Variants in PKHD1 observed in about 807,000 individuals in gnomAD.
The protein encoded by PKHD1 is PKHD1 ciliary IPT domain containing fibrocystin/polyductin.
A neutral mutation model predicts 412.0 loss-of-function variants in PKHD1; 291 were observed. The ratio of observed to expected loss-of-function variants is 0.71; its 90% confidence interval spans 0.64 to 0.78. The LOEUF (loss-of-function observed/expected upper bound fraction) is 0.78, where lower values mean the gene tolerates loss of function less well. Ranked by LOEUF, PKHD1 falls within the 30% of genes least tolerant of loss-of-function variation. The pLI is 0.00. For synonymous variants in PKHD1, 1,777 were observed against 1,821.5 expected, an observed-to-expected ratio of 0.98 and a Z score of 0.62; for missense variants, 4,825 against 4,950.7, an observed-to-expected ratio of 0.97 and a Z score of 0.76.
intron 52 of PKHD1, among the ~76,000 whole-genome samples, chr6:51,800,126 C>CA (rs1157738748): frequency 1.3e-5 from 2 of 152,178 alleles, no homozygotes; most frequent in East Asian, 3.9e-4. Context: ...CTTTTCCCCC[C>CA]AAAGGGGCTC....
intron 60 of PKHD1, among the ~76,000 whole-genome samples, chr6:51,732,712 T>C (rs1473504002): frequency 6.6e-6 from 1 of 152,196 alleles, no homozygotes; most frequent in Non-Finnish European, 1.5e-5. Flanking sequence ...ACAGTTATTG[T>C]GGGAAACAAC....
At chr6:51,851,668 T>A (rs1772268705) in intron 49 of PKHD1, among the ~76,000 whole-genome samples, 1 of 152,216 alleles carries the variant, frequency 6.6e-6, no homozygotes, top group South Asian at 2.1e-4. Flanking sequence ...TTTATCCATT[T>A]CTCCTAGATT....
intron 35 of PKHD1, among the ~76,000 whole-genome samples, chr6:52,002,642 GA>G (rs1442565361): frequency 8.5e-5 from 13 of 152,168 alleles, no homozygotes; most frequent in Non-Finnish European, 1.5e-4. Context: ...CAACCCTGAA[GA>G]TGCACACTAA....
intron 37 of PKHD1, among the ~76,000 whole-genome samples, chr6:51,922,819 T>G (rs182992504): frequency 6.6e-6 from 1 of 152,068 alleles, no homozygotes; most frequent in Non-Finnish European, 1.5e-5. Flanking sequence ...AGGGTGGGAG[T>G]GTCCCGATTT....
At chr6:52,023,002 A>G in intron 32 of PKHD1, 58 bp from the exon 33 acceptor site, 1 of 1,598,784 alleles carries the variant, frequency 6.3e-7, no homozygotes, top group Non-Finnish European at 8.6e-7. Context: ...TTCTTTACTC[A>G]ACTCAAAATT....
chr6:51,777,920 C>G (rs1791329409), intron 53 of PKHD1, among the ~76,000 whole-genome samples: 1 of 152,066 alleles, frequency 6.6e-6, no homozygotes, highest in South Asian at 2.1e-4. Flanking sequence ...ATTTTGCTAT[C>G]TGCAATGGCC....
At chr6:51,628,544 A>G (rs2771019) in intron 65 of PKHD1, among the ~76,000 whole-genome samples, 6,514 of 152,220 alleles carry the variant, frequency 0.043, 235 homozygotes, top group African/African-American at 0.093. Context: ...ACATTCAAAT[A>G]CATGTGTCCT....
intron 35 of PKHD1, among the ~76,000 whole-genome samples, chr6:51,962,982 A>G (rs960280607): frequency 8.5e-5 from 13 of 152,110 alleles, no homozygotes; most frequent in Non-Finnish European, 1.8e-4. Context: ...AGCACATAGT[A>G]GTTGCTCAAT....
intron 66 of PKHD1, among the ~76,000 whole-genome samples, chr6:51,626,357 T>C (rs763783760): frequency 6.6e-6 from 1 of 152,208 alleles, no homozygotes; most frequent in African/African-American, 2.4e-5. Context: ...CAAAGCCATC[T>C]TGTGCTCTGC....
rs778810817 is a variant in PKHD1 at position 52,058,485 on chromosome 6, G to A, written c.1350C>T (p.Ala450=). The part of the protein sequence containing the change: ...KTPKLELLGG[A]MYYLEAEHHG... ...GATGCTCTGCTTCCAGGTAGTACATGGCTCCACCCAACAGCTCCAACTTGG... is the reference window on the plus strand; with the variant it reads ...GATGCTCTGCTTCCAGGTAGTACATAGCTCCACCCAACAGCTCCAACTTGG... The change falls in exon 16 of 67, where the codon GCC becomes GCT. Residue 450 remains alanine, a synonymous_variant. Coordinates refer to ENST00000371117, the MANE Select transcript of PKHD1 (RefSeq NM_138694.4). The A allele has an allele frequency of 6.2e-7, 1 of 1,614,154 alleles. No individual in the cohort carries two copies. The highest frequency in any genetic ancestry group is 1.1e-5 in the South Asian group (1 of 91,072).
chr6:51,701,043 C>G (rs1199385768), intron 60 of PKHD1, among the ~76,000 whole-genome samples: 1 of 152,046 alleles, frequency 6.6e-6, no homozygotes, highest in African/African-American at 2.4e-5. Context: ...ATCCTGGCAG[C>G]TGAAAATGTA....
chr6:52,087,230 C>T (rs1812924333), intron 1 of PKHD1, among the ~76,000 whole-genome samples: 1 of 151,698 alleles, frequency 6.6e-6, no homozygotes, highest in Non-Finnish European at 1.5e-5. Flanking sequence ...TTTTGTTCTC[C>T]TCTCTCTCTC....
Position 51,648,042 on chromosome 6 carries a change from G to A in PKHD1, c.11387C>T (p.Ser3796Leu), listed in dbSNP as rs757605574. 4.4e-6 allele frequency: 7 copies of A among 1,587,358 alleles called. No homozygotes were observed. The South Asian group carries it at 4.4e-5, about 10-fold the overall frequency. ...ISASLEGASD[S>L]VLKGCTQAET... is the part of the protein sequence containing the mutation. ...GATACTTTACCTACCTTTTAGCACTGAGTCTGATGCTCCTTCCAGGGAAGC... is the reference window on the plus strand; with the variant it reads ...GATACTTTACCTACCTTTTAGCACTAAGTCTGATGCTCCTTCCAGGGAAGC... Residue 3796 changes from serine (S) to leucine (L), a missense_variant, in exon 63 of 67, where the codon TCA (serine) becomes TTA (leucine). Ser to Leu is a moderately radical substitution (Grantham distance 145). Coordinates refer to ENST00000371117, the MANE Select transcript of PKHD1 (RefSeq NM_138694.4).
rs564240823 is a variant in PKHD1 at position 52,048,569 on chromosome 6, G to A, written c.2330C>T (p.Thr777Met). 87 of 1,613,950 alleles carry A rather than the reference G, an allele frequency of 5.4e-5. No homozygotes were observed. The highest frequency in any genetic ancestry group is 8.8e-5 in the South Asian group (8 of 91,070). The change falls in exon 23 of 67, where the codon ACG becomes ATG. Residue 777 changes from threonine (T) to methionine (M), a missense_variant. Coordinates refer to ENST00000371117, the MANE Select transcript of PKHD1 (RefSeq NM_138694.4). Reference sequence around the variant, plus strand: ...ACTTGTCCGCTGTCGTCTCTGTGTCGTCACCAGGACCAGTCCAGATCCCTC... The same window carrying A: ...ACTTGTCCGCTGTCGTCTCTGTGTCATCACCAGGACCAGTCCAGATCCCTC... ...TEEGSGLVLVTTQRRQRTSPP... is the reference protein window; with the variant it reads ...TEEGSGLVLVMTQRRQRTSPP...
At chr6:51,892,514 C>G (rs574291122) in intron 43 of PKHD1, among the ~76,000 whole-genome samples, 2 of 152,098 alleles carry the variant, frequency 1.3e-5, no homozygotes, top group African/African-American at 4.8e-5. Flanking sequence ...AGGATAGGCT[C>G]GACAACAAGG....
chr6:52,050,058 A>G, intron 22 of PKHD1, 99 bp downstream of exon 22: 2 of 1,130,480 alleles, frequency 1.8e-6, no homozygotes, highest in Non-Finnish European at 2.7e-6. Flanking sequence ...TTTAAGCAAC[A>G]AGACAGGTAG....
intron 36 of PKHD1, among the ~76,000 whole-genome samples, chr6:51,953,151 C>T (rs574558273): frequency 7.2e-5 from 11 of 152,040 alleles, no homozygotes; most frequent in Non-Finnish European, 1.5e-4. Flanking sequence ...AGGGTAGCTA[C>T]GTTTTGACTA....
intron 60 of PKHD1, among the ~76,000 whole-genome samples, chr6:51,726,215 A>C (rs562860308): frequency 3.9e-5 from 6 of 152,216 alleles, no homozygotes; most frequent in Non-Finnish European, 8.8e-5. Context: ...CTGGACATAC[A>C]GGAGTTTCTA....
chr6:51,663,185 TC>T (rs2150438628), intron 60 of PKHD1, among the ~76,000 whole-genome samples: 1 of 152,210 alleles, frequency 6.6e-6, no homozygotes, highest in South Asian at 2.1e-4. Context: ...TGGGAAATCC[TC>T]AAATCACAGA....
Sources: allele counts gnomAD v4.1 joint callset (sites outside exome capture counted in the v4.1 genomes callset), GRCh38; gene constraint gnomAD v4.1.1; transcripts MANE v1.5; gene names NCBI Gene and HGNC (gene_info 2026-07-23, HGNC 2026-07-21).